The following AADAC variants were observed in gnomAD, a reference collection of about 807,000 sequenced individuals.
AADAC encodes arylacetamide deacetylase, also known as arylacetamide deacetylase (esterase).
AADAC carries 17 observed loss-of-function variants against 22.7 expected under a neutral mutation model. That is an observed-to-expected ratio of 0.75 (90% CI 0.51 to 1.12). The LOEUF is 1.12. Among genes scored for constraint, AADAC ranks in the 50% most tolerant of loss-of-function variants. The pLI, the probability that AADAC is intolerant of heterozygous loss-of-function variation, is 0.00. For synonymous variants in AADAC, 167 were observed against 176.3 expected (o/e 0.95, Z 0.42); for missense variants, 465 against 473.9 (o/e 0.98, Z 0.17).
At chr3:151,822,855 G>A (rs1716306997) in intron 3 of AADAC, among the ~76,000 whole-genome samples, 1 of 151,802 alleles carries the variant, frequency 6.6e-6, no homozygotes, top group East Asian at 1.9e-4. Flanking sequence ...GAAAATCACT[G>A]AATTGCATAC....
In AADAC at chr3:151,820,369, T is replaced by C; in HGVS notation, c.362-14T>C. 1 of 1,560,194 alleles carries C rather than the reference T, an allele frequency of 6.4e-7. No individual in the cohort carries two copies. Among genetic ancestry groups the C allele is most frequent in the South Asian group, 1.2e-5 (1 of 82,236 alleles). On this transcript the variant is annotated splice_polypyrimidine_tract_variant and intron_variant, in intron 2 of 4. Transcript: ENST00000232892. The stretch of plus-strand genomic sequence containing the variant: ...CTGTTTTACTAATATGTTGCTTTTA[T>C]CCTTTTATTTCAGCTCTAAGTGGTT...
rs1487020524 is a variant in AADAC, at chr3:151,828,358, C to T, written c.*186C>T. The T allele has an allele frequency of 5.3e-6, 2 of 376,010 alleles. No individual in the cohort carries two copies. The highest frequency in any genetic ancestry group is 9.5e-6 in the Non-Finnish European group (2 of 211,252). The allele number at this position is 376,010 out of a possible 1,614,324, so 23.3% of individuals were successfully genotyped here. On this transcript the variant is annotated 3_prime_UTR_variant, in exon 5 of 5. Transcript: ENST00000232892. ...CATTTCAATTTTCTACATTGTCTAT[C>T]TGCTTTTTCTGAGATTTTCCTTCTT... is the stretch of plus-strand genomic sequence containing the variant.
chr3:151,817,585 G>T lies in AADAC; in HGVS notation c.358G>T (p.Ala120Ser), dbSNP rs370777804. ...IHGGGWCVGSAALSGYDLLSR... is the reference protein window; with the variant it reads ...IHGGGWCVGSSALSGYDLLSR... ...TGGTGGAGGCTGGTGCGTGGGAAGT[G>T]CTGGTAAGTGAATGCTTTGAAAAAT... The change falls in exon 2 of 5, where the codon GCT (alanine) becomes TCT (serine). Residue 120 changes from alanine to serine, a missense_variant. Physicochemically the swap from Ala to Ser is moderately conservative, Grantham distance 99. Coordinates refer to ENST00000232892, the MANE Select transcript of AADAC (RefSeq NM_001086.3). The T allele has an allele frequency of 5.0e-5, 81 of 1,612,414 alleles. 1 individual carries two copies. The highest frequency in any genetic ancestry group is 6.6e-5 in the Non-Finnish European group (78 of 1,178,878).
intron 2 of AADAC, among the ~76,000 whole-genome samples, chr3:151,818,864 C>T (rs1476478322): frequency 6.6e-6 from 1 of 151,842 alleles, no homozygotes; most frequent in African/African-American, 2.4e-5. Context: ...GATAAAAGTC[C>T]CAATTATGTG....
chr3:151,820,484 G>T, intron 3 of AADAC, 32 bp downstream of exon 3: 1 of 1,331,282 alleles, frequency 7.5e-7, no homozygotes. Flanking sequence ...TTCCTGGCCA[G>T]ATGTCTGACA....
chr3:151,825,823 G>A (rs1258234313), intron 4 of AADAC, among the ~76,000 whole-genome samples: 4 of 151,774 alleles, frequency 2.6e-5, no homozygotes, highest in East Asian at 3.9e-4. Flanking sequence ...TGTAGTAGTC[G>A]CAAAGGAACT....
Position 151,820,371 on chromosome 3 carries a change from C to T in AADAC, c.362-12C>T. The T allele has an allele frequency of 1.3e-6, 2 of 1,562,204 alleles. No individual in the cohort carries two copies. The highest frequency in any genetic ancestry group is 2.4e-5 in the South Asian group (2 of 82,356). ...GTTTTACTAATATGTTGCTTTTATC[C>T]TTTTATTTCAGCTCTAAGTGGTTAT... is the stretch of plus-strand genomic sequence containing the variant. On this transcript the variant is annotated splice_polypyrimidine_tract_variant and intron_variant, in intron 2 of 4. Coordinates refer to ENST00000232892, the MANE Select transcript of AADAC (RefSeq NM_001086.3).
chr3:151,814,344 T>C, intron 1 of AADAC, 44 bp downstream of exon 1: 1 of 1,549,116 alleles, frequency 6.5e-7, no homozygotes, highest in Non-Finnish European at 8.7e-7. Flanking sequence ...TACACCACCA[T>C]TTGACCCAGA....
At chr3:151,817,081 T>G (rs1450078272) in intron 1 of AADAC, among the ~76,000 whole-genome samples, 2 of 152,110 alleles carry the variant, frequency 1.3e-5, no homozygotes, top group Admixed American at 6.6e-5. Context: ...GCTAATCTTG[T>G]ATTTCCAGCC....
At position 151,828,096 on chromosome 3, in the gene AADAC, C is replaced by A; in HGVS notation, c.1124C>A (p.Ala375Glu). ...HNHVEDGFHG[A>E]FSFLGLKISH... ...CATGTTGAGGATGGATTCCATGGAG[C>A]ATTTTCATTTCTGGGACTTAAAATT... Residue 375 changes from alanine (A) to glutamate (E), a missense_variant, in exon 5 of 5, where the codon GCA (alanine) becomes GAA (glutamate). Ala to Glu is a moderately radical substitution (Grantham distance 107, BLOSUM62 -1). Coordinates refer to ENST00000232892, the MANE Select transcript of AADAC (RefSeq NM_001086.3). 1 of 1,610,360 alleles carries A rather than the reference C, an allele frequency of 6.2e-7. No individual in the cohort carries two copies. The highest frequency in any genetic ancestry group is 8.5e-7 in the Non-Finnish European group (1 of 1,177,754).
intron 1 of AADAC, 72 bp from the exon 2 acceptor site, chr3:151,817,294 T>C: frequency 7.7e-7 from 1 of 1,302,000 alleles, no homozygotes; most frequent in Non-Finnish European, 1.1e-6. Flanking sequence ...GGTTAATGTC[T>C]ACCTATAAGT....
chr3:151,814,720 A>G (rs570249162), intron 1 of AADAC, among the ~76,000 whole-genome samples: 2 of 152,094 alleles, frequency 1.3e-5, no homozygotes, highest in African/African-American at 4.8e-5. Flanking sequence ...TAGACTAAGG[A>G]CACGTAAATA....
chr3:151,822,392 A>G (rs1370280848), intron 3 of AADAC, among the ~76,000 whole-genome samples: 1 of 152,066 alleles, frequency 6.6e-6, no homozygotes, highest in Non-Finnish European at 1.5e-5. Context: ...AAGTGGAAGC[A>G]ACCCAATGTT....
intron 3 of AADAC, among the ~76,000 whole-genome samples, chr3:151,821,027 T>A (rs3772438): frequency 0.16 from 24,827 of 151,516 alleles, 2,328 homozygotes; most frequent in African/African-American, 0.21. Flanking sequence ...AACTGTATCA[T>A]TTATGGATAT....
At chr3:151,820,653 G>A (rs1317835094) in intron 3 of AADAC, among the ~76,000 whole-genome samples, 1 of 139,572 alleles carries the variant, frequency 7.2e-6, no homozygotes, top group Non-Finnish European at 1.6e-5. Context: ...GAGTAGCTGG[G>A]ATTACAGGCA....
In AADAC at chr3:151,817,494, T is replaced by G. The variant is rs1432404855; in HGVS notation, c.267T>G (p.Ile89Met). 6.2e-7 allele frequency: 1 copy of G among 1,613,756 alleles called. No homozygotes were observed. Among genetic ancestry groups the G allele is most frequent in the Middle Eastern group, 1.6e-4 (1 of 6,062 alleles). The change falls in exon 2 of 5, where the codon ATT becomes ATG. Residue 89 changes from isoleucine (I) to methionine (M), a missense_variant. By Grantham distance (10) the Ile-to-Met change is conservative. Coordinates refer to ENST00000232892, the MANE Select transcript of AADAC (RefSeq NM_001086.3). Reference protein sequence around the residue: ...VTVTETKFNNILVRVYVPKRK... With the variant: ...VTVTETKFNNMLVRVYVPKRK... Reference sequence around the variant, plus strand: ...TGACTGAGACAAAATTCAACAACATTCTTGTTCGGGTATATGTGCCAAAGA... The same window carrying G: ...TGACTGAGACAAAATTCAACAACATGCTTGTTCGGGTATATGTGCCAAAGA...
chr3:151,817,681 C>A (rs1450872196), intron 2 of AADAC, 93 bp downstream of exon 2: 2 of 1,064,752 alleles, frequency 1.9e-6, no homozygotes, highest in Non-Finnish European at 2.8e-6. Flanking sequence ...TCGGCATGGA[C>A]ATTACTGCCT....
At chr3:151,824,525 A>C (rs986001703) in intron 3 of AADAC, 138 bp from the exon 4 acceptor site, 8 of 527,824 alleles carry the variant, frequency 1.5e-5, no homozygotes, top group African/African-American at 9.9e-5. Context: ...AAGAAATTAT[A>C]TACTTATGTG....
At chr3:151,819,493 A>G (rs1256784678) in intron 2 of AADAC, among the ~76,000 whole-genome samples, 2 of 152,058 alleles carry the variant, frequency 1.3e-5, no homozygotes, top group East Asian at 3.8e-4. Context: ...TGCTGGCCTT[A>G]AAAGGACTTA....
Sources: gnomAD v4.1 joint callset for allele counts (sites outside exome capture counted in the v4.1 genomes callset) on GRCh38, gnomAD v4.1.1 for gene constraint, MANE v1.5 for transcripts, NCBI Gene and HGNC (gene_info 2026-07-23, HGNC 2026-07-21) for gene names.